CDH12: variants seen among roughly 807,000 people sequenced by gnomAD.
CDH12 encodes the protein cadherin-12.
CDH12 carries 41 observed loss-of-function variants against 74.1 expected under a neutral mutation model. The ratio of observed to expected loss-of-function variants is 0.55; its 90% CI spans 0.43 to 0.72. The LOEUF (loss-of-function observed/expected upper bound fraction) is 0.72. Among genes scored for constraint, CDH12 ranks in the 30% least tolerant of loss-of-function variants. The pLI is 0.00. For synonymous variants in CDH12, 399 were observed against 355.0 expected (o/e 1.12, Z -1.39); for missense variants, 945 against 977.2 (o/e 0.97, Z 0.44).
intron 2 of CDH12, among the ~76,000 whole-genome samples, chr5:22,448,479 G>T (rs1230834503): frequency 6.6e-6 from 1 of 152,008 alleles, no homozygotes; most frequent in African/African-American, 2.4e-5. Flanking sequence ...GTAGAAAACA[G>T]ATCAAAGTAT....
rs1227931539 is a variant in CDH12 at position 22,853,292 on chromosome 5, AG to A, written c.-758del. ...AAGAGGCTGCCTCTCTTCTCAGAAAAGCCTGGACCCCTCTCTGTGGCTCCCT... is the reference window on the plus strand; with the variant it reads ...AAGAGGCTGCCTCTCTTCTCAGAAAACCTGGACCCCTCTCTGTGGCTCCCT... On this transcript the variant is annotated 5_prime_UTR_variant, in exon 1 of 15. An upstream open reading frame in the 5' UTR gains an earlier in-frame stop. Coordinates refer to ENST00000382254, the MANE Select transcript of CDH12 (RefSeq NM_004061.5). 1 of 152,036 alleles carries A rather than the reference AG, an allele frequency of 6.6e-6. No homozygotes were observed. Among genetic ancestry groups the A allele is most frequent in the Non-Finnish European group, 1.5e-5 (1 of 68,022 alleles). 9.4% of individuals were successfully genotyped at this position (152,036 alleles called of 1,614,324 possible).
intron 5 of CDH12, among the ~76,000 whole-genome samples, chr5:22,001,843 A>G (rs1418949769): frequency 6.6e-6 from 1 of 152,042 alleles, no homozygotes. Flanking sequence ...TTTGATTGAG[A>G]AATTAAAAGG....
chr5:22,103,424 C>G (rs1292710215), intron 4 of CDH12, among the ~76,000 whole-genome samples: 1 of 152,164 alleles, frequency 6.6e-6, no homozygotes, highest in Non-Finnish European at 1.5e-5. Flanking sequence ...AGCTGCTCAT[C>G]AACACTGATT....
intron 4 of CDH12, among the ~76,000 whole-genome samples, chr5:22,081,797 G>A (rs910238317): frequency 1.3e-5 from 2 of 152,190 alleles, no homozygotes; most frequent in Non-Finnish European, 2.9e-5. Flanking sequence ...AATCTGAGCT[G>A]TGGCTCCCTA....
At chr5:22,245,553 G>A (rs939218456) in intron 3 of CDH12, among the ~76,000 whole-genome samples, 32 of 152,000 alleles carry the variant, frequency 2.1e-4, no homozygotes, top group African/African-American at 7.7e-4. Flanking sequence ...GGCACAGTTT[G>A]TACAAGGACG....
intron 1 of CDH12, among the ~76,000 whole-genome samples, chr5:22,545,665 CA>C (rs1464832242): frequency 2.0e-5 from 3 of 152,162 alleles, no homozygotes; most frequent in Non-Finnish European, 2.9e-5. Flanking sequence ...TCAACAATTA[CA>C]TTTTAATCCA....
intron 3 of CDH12, among the ~76,000 whole-genome samples, chr5:22,287,615 C>T (rs1156339472): frequency 6.7e-6 from 1 of 149,882 alleles, no homozygotes; most frequent in Non-Finnish European, 1.5e-5. Context: ...CCCAGCTATT[C>T]GGGAGGCTGA....
chr5:22,360,609 T>G (rs894849747), intron 3 of CDH12, among the ~76,000 whole-genome samples: 3 of 152,074 alleles, frequency 2.0e-5, no homozygotes, highest in Non-Finnish European at 4.4e-5. Context: ...TACCAAAGCC[T>G]GGCAGAGACA....
At chr5:22,287,638 G>C (rs910046122) in intron 3 of CDH12, among the ~76,000 whole-genome samples, 2 of 151,246 alleles carry the variant, frequency 1.3e-5, no homozygotes, top group Non-Finnish European at 2.9e-5. Context: ...CAGGAGAATG[G>C]CGTGAACCTG....
intron 5 of CDH12, 82 bp downstream of exon 5, chr5:22,078,364 C>G: frequency 8.0e-7 from 1 of 1,243,374 alleles, no homozygotes; most frequent in South Asian, 1.3e-5. Context: ...TTGTTCAACT[C>G]CTGTGCAAAA....
intron 1 of CDH12, among the ~76,000 whole-genome samples, chr5:22,621,906 T>A (rs1453451997): frequency 2.0e-5 from 3 of 152,106 alleles, no homozygotes. Context: ...TCATTTTCAA[T>A]GGAATTTTAC....
chr5:22,784,241 A>G (rs1580996962), intron 1 of CDH12, among the ~76,000 whole-genome samples: 1 of 152,128 alleles, frequency 6.6e-6, no homozygotes, highest in African/African-American at 2.4e-5. Context: ...AAATAATGTT[A>G]TATCACTAGC....
At chr5:22,720,904 G>T (rs1025665535) in intron 1 of CDH12, among the ~76,000 whole-genome samples, 2 of 152,148 alleles carry the variant, frequency 1.3e-5, no homozygotes, top group Non-Finnish European at 2.9e-5. Flanking sequence ...TGGAATTTAT[G>T]TTTAAAGGGG....
At chr5:22,063,994 CACACACACACACACACACACACACACAA>C (rs1741379365) in intron 5 of CDH12, among the ~76,000 whole-genome samples, 2 of 140,238 alleles carry the variant, frequency 1.4e-5, no homozygotes, top group African/African-American at 2.8e-5. Flanking sequence ...GAGATACACA[CACACACACACACACACACACACACACAA>C]ACACACACAC....
At chr5:22,097,480 A>G (rs530080775) in intron 4 of CDH12, among the ~76,000 whole-genome samples, 10 of 152,268 alleles carry the variant, frequency 6.6e-5, no homozygotes, top group African/African-American at 2.2e-4. Context: ...TAAATGTGGT[A>G]GGTATTGACG....
chr5:22,820,962 G>A (rs1387705174), intron 1 of CDH12, among the ~76,000 whole-genome samples: 1 of 151,904 alleles, frequency 6.6e-6, no homozygotes, highest in African/African-American at 2.4e-5. Flanking sequence ...TACCCTTGAT[G>A]AACATTGATA....
intron 2 of CDH12, among the ~76,000 whole-genome samples, chr5:22,448,481 T>C (rs181521160): frequency 6.6e-6 from 1 of 152,134 alleles, no homozygotes; most frequent in East Asian, 1.9e-4. Flanking sequence ...AGAAAACAGA[T>C]CAAAGTATCA....
At chr5:21,985,571 T>C (rs1757478345) in intron 5 of CDH12, among the ~76,000 whole-genome samples, 2 of 152,154 alleles carry the variant, frequency 1.3e-5, no homozygotes, top group Non-Finnish European at 2.9e-5. Flanking sequence ...TTGTCACTGA[T>C]TTGTTTACTT....
At chr5:22,220,500 C>G (rs1322865214) in intron 3 of CDH12, among the ~76,000 whole-genome samples, 1 of 151,596 alleles carries the variant, frequency 6.6e-6, no homozygotes, top group African/African-American at 2.4e-5. Context: ...GAAGATTATT[C>G]ATCATGAGAA....
Sources: gnomAD v4.1 joint callset for allele counts (sites outside exome capture counted in the v4.1 genomes callset) on GRCh38, gnomAD v4.1.1 for gene constraint, MANE v1.5 for transcripts, NCBI Gene and HGNC (gene_info 2026-07-23, HGNC 2026-07-21) for gene names.